CSMD2: variants seen among roughly 807,000 people sequenced by gnomAD.
The protein encoded by CSMD2 is CUB and Sushi multiple domains 2, also known as CUB and sushi domain-containing protein 2.
Under a neutral mutation model 398.5 loss-of-function variants are expected in CSMD2, and 130 were observed. The ratio of observed to expected loss-of-function variants is 0.33; its 90% CI spans 0.28 to 0.38. The LOEUF (loss-of-function observed/expected upper bound fraction) is 0.38, where lower values mean the gene tolerates loss of function less well. Ranked by LOEUF, CSMD2 falls within the 10% of genes least tolerant of loss-of-function variation. The probability of loss-of-function intolerance (pLI) is 1.00; values close to 1 mark genes in which losing one functional copy is unlikely to be tolerated. For synonymous variants in CSMD2, 1,828 were observed against 1,908.5 expected (o/e 0.96, Z 1.10); for missense variants, 3,829 against 4,764.9 (o/e 0.80, Z 5.78).
At chr1:33,875,913 T>A (rs2125158461) in intron 5 of CSMD2, among the ~76,000 whole-genome samples, 1 of 152,300 alleles carries the variant, frequency 6.6e-6, no homozygotes, top group South Asian at 2.1e-4. Flanking sequence ...TCTATCAGGG[T>A]CCTAGAGTGG....
intron 62 of CSMD2, among the ~76,000 whole-genome samples, chr1:33,536,258 C>G (rs1489982339): frequency 6.6e-6 from 1 of 152,226 alleles, no homozygotes; most frequent in African/African-American, 2.4e-5. Flanking sequence ...GAGTCTCGCT[C>G]TGTTGCCCAG....
rs11807334 is a variant in CSMD2, at chr1:33,608,247, A to G, written c.6344-2777T>C. On this transcript the variant is annotated intron_variant, in intron 41 of 70. Transcript: ENST00000373381. ...AGGCGGTCACACAGGCACAACCTTTACAAGGACAAGTGGGCTCATCACACG... is the reference window on the plus strand; with the variant it reads ...AGGCGGTCACACAGGCACAACCTTTGCAAGGACAAGTGGGCTCATCACACG... 8.4e-3 allele frequency among the ~76,000 whole-genome samples: 1,274 copies of G among 152,286 alleles called. 16 individuals are homozygous for G. Among genetic ancestry groups the G allele is most frequent in the African/African-American group, 0.029 (1,214 of 41,564 alleles).
chr1:33,900,031 T>C (rs577141608), intron 5 of CSMD2, among the ~76,000 whole-genome samples: 2 of 152,108 alleles, frequency 1.3e-5, no homozygotes, highest in Non-Finnish European at 1.5e-5. Flanking sequence ...ACGGAGCATA[T>C]GCTGGGAGGC....
Position 33,725,456 on chromosome 1 carries a change from T to C in CSMD2, c.2588A>G (p.His863Arg), listed in dbSNP as rs1274469096. Reference sequence around the variant, plus strand: ...GAGGAACTGGGGAACCTGGGTCCCGTGGTAAACCCCGATCAAGGGCGCTGA... The same window carrying C: ...GAGGAACTGGGGAACCTGGGTCCCGCGGTAAACCCCGATCAAGGGCGCTGA... ...TYSAPLIGVYHGTQVPQFLIS... is the reference protein window; with the variant it reads ...TYSAPLIGVYRGTQVPQFLIS... The change falls in exon 17 of 71, where the codon CAC becomes CGC. Residue 863 changes from histidine to arginine, a missense_variant. Transcript: ENST00000373381. The C allele has an allele frequency of 6.2e-7, 1 of 1,614,172 alleles. No homozygotes were observed. The highest frequency in any genetic ancestry group is 8.5e-7 in the Non-Finnish European group (1 of 1,180,010).
chr1:33,693,390 C>G (rs1418058470), intron 24 of CSMD2, among the ~76,000 whole-genome samples: 1 of 152,132 alleles, frequency 6.6e-6, no homozygotes, highest in Non-Finnish European at 1.5e-5. Context: ...AAATCAAACT[C>G]ACAATGAGAT....
At chr1:33,830,544 A>T (rs1344440116) in intron 6 of CSMD2, among the ~76,000 whole-genome samples, 1 of 152,164 alleles carries the variant, frequency 6.6e-6, no homozygotes, top group Non-Finnish European at 1.5e-5. Context: ...AAGTAGATAA[A>T]ACCACAAAGA....
At chr1:33,745,762 G>A (rs540827439) in intron 13 of CSMD2, among the ~76,000 whole-genome samples, 3 of 152,182 alleles carry the variant, frequency 2.0e-5, no homozygotes, top group Non-Finnish European at 4.4e-5. Context: ...CGAGCCAAGG[G>A]GAGAGAAGGA....
chr1:33,631,078 A>G (rs2148901797), intron 32 of CSMD2, among the ~76,000 whole-genome samples: 1 of 152,232 alleles, frequency 6.6e-6, no homozygotes, highest in South Asian at 2.1e-4. Context: ...AAAAGCAACA[A>G]CAAACTGCAG....
intron 1 of CSMD2, among the ~76,000 whole-genome samples, chr1:34,145,530 G>A (rs1639686727): frequency 6.6e-6 from 1 of 152,220 alleles, no homozygotes; most frequent in South Asian, 2.1e-4. Flanking sequence ...GGGATCTGGG[G>A]AGAGCTGATC....
chr1:33,579,067 T>C (rs929795891), intron 48 of CSMD2, among the ~76,000 whole-genome samples: 1 of 152,260 alleles, frequency 6.6e-6, no homozygotes, highest in African/African-American at 2.4e-5. Flanking sequence ...TGTTGCGCCA[T>C]GTAATTAACT....
Position 33,820,456 on chromosome 1 carries a change from A to G in CSMD2, c.1199+13T>C. On this transcript the variant is annotated intron_variant, in intron 8 of 70. Coordinates refer to ENST00000373381, the MANE Select transcript of CSMD2 (RefSeq NM_001281956.2). ...CCCTTCTTGCAATCAGAAAATTCCC[A>G]AATAGATCTTACCTGAAATCCGAGC... 1 of 1,595,516 alleles carries G rather than the reference A, an allele frequency of 6.3e-7. No homozygotes were observed. The highest frequency in any genetic ancestry group is 8.6e-7 in the Non-Finnish European group (1 of 1,163,544).
intron 62 of CSMD2, among the ~76,000 whole-genome samples, chr1:33,534,790 T>C (rs1570646440): frequency 6.6e-6 from 1 of 152,190 alleles, no homozygotes; most frequent in East Asian, 1.9e-4. Flanking sequence ...ATCCATGCAG[T>C]TGTGCAAATA....
chr1:34,027,238 A>C (rs1377270092), intron 3 of CSMD2, among the ~76,000 whole-genome samples: 6 of 152,232 alleles, frequency 3.9e-5, no homozygotes, highest in African/African-American at 1.2e-4. Context: ...GAGAGGATTT[A>C]TACAATTATC....
chr1:33,707,039 G>A (rs1319575215), intron 22 of CSMD2, among the ~76,000 whole-genome samples: 1 of 152,038 alleles, frequency 6.6e-6, no homozygotes, highest in Non-Finnish European at 1.5e-5. Context: ...CTTATCTACT[G>A]AGCTGCCCAC....
Position 33,972,473 on chromosome 1 carries a change from T to G in CSMD2, c.518-36519A>C, listed in dbSNP as rs563042521. On this transcript the variant is annotated intron_variant, in intron 3 of 70. Coordinates refer to ENST00000373381, the MANE Select transcript of CSMD2 (RefSeq NM_001281956.2). ...ACTACAGATGTCATTAAGTTAAGGA[T>G]GAGGTGGGGAGGTCATCCTGGATTA... 1.5e-3 allele frequency among the ~76,000 whole-genome samples: 223 copies of G among 152,114 alleles called. 1 individual carries two copies. Among genetic ancestry groups the G allele is most frequent in the Non-Finnish European group, 2.3e-3 (154 of 67,982 alleles).
chr1:33,556,080 G>A (rs1226361897), intron 55 of CSMD2, among the ~76,000 whole-genome samples: 1 of 152,156 alleles, frequency 6.6e-6, no homozygotes, highest in Non-Finnish European at 1.5e-5. Context: ...ACCAGAATTA[G>A]AAGAGGAGCC....
chr1:33,727,587 C>G (rs754743613), intron 15 of CSMD2, among the ~76,000 whole-genome samples: 7 of 152,150 alleles, frequency 4.6e-5, no homozygotes, highest in Non-Finnish European at 7.4e-5. Flanking sequence ...TACATCATGT[C>G]TCTGTGGAAA....
intron 1 of CSMD2, among the ~76,000 whole-genome samples, chr1:34,111,118 T>TGAGG (rs1661038453): frequency 6.6e-6 from 1 of 152,236 alleles, no homozygotes; most frequent in African/African-American, 2.4e-5. Context: ...TTTGTTTTAC[T>TGAGG]CACTGATGCG....
intron 38 of CSMD2, among the ~76,000 whole-genome samples, chr1:33,617,283 A>C (rs778148739): frequency 1.3e-5 from 2 of 152,232 alleles, no homozygotes; most frequent in Non-Finnish European, 2.9e-5. Context: ...ATCAAACCCA[A>C]CTTTGCAGGA....
Sources: gnomAD v4.1 joint callset for allele counts (sites outside exome capture counted in the v4.1 genomes callset) on GRCh38, gnomAD v4.1.1 for gene constraint, MANE v1.5 for transcripts, NCBI Gene and HGNC (gene_info 2026-07-23, HGNC 2026-07-21) for gene names.